Variants in AGTPBP1 observed in about 807,000 individuals in gnomAD.
AGTPBP1 encodes ATP/GTP binding carboxypeptidase 1, also known as cytosolic carboxypeptidase 1.
A neutral mutation model predicts 143.9 loss-of-function variants in AGTPBP1; 70 were observed. That is an observed-to-expected ratio of 0.49 (90% CI 0.40 to 0.59). The LOEUF (loss-of-function observed/expected upper bound fraction) is 0.59. Ranked by LOEUF, AGTPBP1 falls within the 20% of genes least tolerant of loss-of-function variation. The probability of loss-of-function intolerance (pLI) is 0.00; values close to 1 mark genes in which losing one functional copy is unlikely to be tolerated. For synonymous variants in AGTPBP1, 463 were observed against 500.2 expected (o/e 0.93, Z 0.99); for missense variants, 1,229 against 1,464.5 (o/e 0.84, Z 2.62).
the AGTPBP1 span, among the ~76,000 whole-genome samples, chr9:85,786,985 A>C: frequency 1.3e-4 from 20 of 152,246 alleles, no homozygotes; most frequent in African/African-American, 4.8e-4. Context: ...ATACAAGTAT[A>C]TTGTTATTTT....
intron 8 of AGTPBP1, among the ~76,000 whole-genome samples, chr9:85,663,829 T>C (rs1415009034): frequency 6.6e-6 from 1 of 152,082 alleles, no homozygotes. Flanking sequence ...CCATAAAAAG[T>C]GTGTGAATGC....
At chr9:85,741,966 G>A, upstream of AGTPBP1, 2 of 1,247,850 alleles carry the variant, frequency 1.6e-6, no homozygotes, top group Non-Finnish European at 2.0e-6. Flanking sequence ...TCCGCATCCC[G>A]GGCAACGTCA....
chr9:85,667,219 G>A (rs928564274), intron 8 of AGTPBP1, among the ~76,000 whole-genome samples: 3 of 152,048 alleles, frequency 2.0e-5, no homozygotes, highest in Non-Finnish European at 4.4e-5. Flanking sequence ...TTCTTACACA[G>A]CTGTAACTAT....
chr9:85,685,213 A>G (rs747288517), intron 3 of AGTPBP1, among the ~76,000 whole-genome samples: 9 of 152,032 alleles, frequency 5.9e-5, no homozygotes, highest in Non-Finnish European at 8.8e-5. Context: ...AAACTGAGCA[A>G]CCAAAAATGT....
the AGTPBP1 span, among the ~76,000 whole-genome samples, chr9:85,804,414 A>C: frequency 6.6e-6 from 1 of 152,122 alleles, no homozygotes; most frequent in Non-Finnish European, 1.5e-5. Flanking sequence ...TATCCCCAAG[A>C]CAGATATACA....
intron 17 of AGTPBP1, among the ~76,000 whole-genome samples, chr9:85,608,809 A>C (rs1006469417): frequency 1.3e-5 from 2 of 152,154 alleles, no homozygotes; most frequent in Admixed American, 1.3e-4. Flanking sequence ...TACTAAAACT[A>C]GAAATTACAA....
chr9:85,682,627 C>A (rs1433993445), intron 3 of AGTPBP1, among the ~76,000 whole-genome samples: 2 of 152,194 alleles, frequency 1.3e-5, no homozygotes, highest in Non-Finnish European at 2.9e-5. Flanking sequence ...AACCCACTCT[C>A]AATACAGTAC....
intron 17 of AGTPBP1, among the ~76,000 whole-genome samples, chr9:85,603,934 T>G (rs1368469516): frequency 6.6e-6 from 1 of 152,112 alleles, no homozygotes; most frequent in Non-Finnish European, 1.5e-5. Context: ...GGAAGAACTT[T>G]GTCTTGCAGT....
chr9:85,589,178 G>A (rs62566898), intron 20 of AGTPBP1, among the ~76,000 whole-genome samples: 2,517 of 152,032 alleles, frequency 0.017, 29 homozygotes, highest in Middle Eastern at 0.054. Flanking sequence ...GTTTCTGGTT[G>A]TTTTATTTAC....
chr9:85,746,650 GGAGA>G (rs374466228), upstream of AGTPBP1, among the ~76,000 whole-genome samples: 1 of 151,370 alleles, frequency 6.6e-6, no homozygotes, highest in Non-Finnish European at 1.5e-5. Flanking sequence ...AAGAGTGGGG[GGAGA>G]GAGAGAGAGA....
chr9:85,752,543 TCA>T, the AGTPBP1 span, among the ~76,000 whole-genome samples: 4 of 152,150 alleles, frequency 2.6e-5, no homozygotes, highest in African/African-American at 4.8e-5. Flanking sequence ...AAAAAAACGC[TCA>T]GTTTTGTTAG....
In AGTPBP1 at chr9:85,619,042, C is replaced by T. The variant is rs369611250; in HGVS notation, c.2276G>A (p.Gly759Asp). The T allele has an allele frequency of 4.2e-5, 67 of 1,613,734 alleles. No homozygotes were observed. The highest frequency in any genetic ancestry group is 5.3e-5 in the Non-Finnish European group (63 of 1,179,874). ...AATGATGTTAAACCTGTAAGCAACA[C>T]CTGGTCGCATTCCACTGACTTCAAA... The part of the protein sequence containing the change: ...FYFEVSGMRP[G>D]VAYRFNIINC... Residue 759 changes from glycine (G) to aspartate (D), a missense_variant, in exon 17 of 26, where the codon GGT becomes GAT. Physicochemically the swap from Gly to Asp is moderately conservative, Grantham distance 94. Around this residue, in one of 2 missense-constraint regions of AGTPBP1, gnomAD observed 486 missense variants for 652.3 expected, o/e 0.75. Coordinates refer to ENST00000357081, the MANE Select transcript of AGTPBP1 (RefSeq NM_001330701.2).
At chr9:85,673,851 T>C (rs947673771) in intron 6 of AGTPBP1, among the ~76,000 whole-genome samples, 4 of 152,112 alleles carry the variant, frequency 2.6e-5, no homozygotes, top group Admixed American at 6.5e-5. Flanking sequence ...CAGGGCGCGG[T>C]GGCTCACGCC....
intron 14 of AGTPBP1, among the ~76,000 whole-genome samples, chr9:85,623,557 A>G (rs1400034437): frequency 6.6e-6 from 1 of 152,016 alleles, no homozygotes; most frequent in Non-Finnish European, 1.5e-5. Context: ...GGAGTTCGAG[A>G]CCAGCCTGGC....
At chr9:85,692,021 G>T (rs1030479988) in intron 3 of AGTPBP1, among the ~76,000 whole-genome samples, 16 of 151,964 alleles carry the variant, frequency 1.1e-4, no homozygotes, top group Admixed American at 2.6e-4. Context: ...CCTCCCTAAG[G>T]TACCCAACCA....
intron 15 of AGTPBP1, among the ~76,000 whole-genome samples, chr9:85,620,039 A>G (rs618242): frequency 0.34 from 52,278 of 152,026 alleles, 10,290 homozygotes; most frequent in Non-Finnish European, 0.44. Flanking sequence ...CCTCTTTTTT[A>G]TAACAGTATT....
chr9:85,764,107 C>T, the AGTPBP1 span, among the ~76,000 whole-genome samples: 2 of 151,124 alleles, frequency 1.3e-5, no homozygotes, highest in African/African-American at 2.4e-5. Context: ...AAGAAAAGTT[C>T]AATTTAGAAA....
chr9:85,632,956 A>G lies in AGTPBP1; in HGVS notation c.1721T>C (p.Met574Thr). 2 of 1,614,138 alleles carry G rather than the reference A, an allele frequency of 1.2e-6. No homozygotes were observed. The highest frequency in any genetic ancestry group is 1.7e-6 in the Non-Finnish European group (2 of 1,180,006). Reference sequence around the variant, plus strand: ...AAACAGAACATTTCCACAAGTAGCCATGTGTGGACATGCTTTAGCACAGGT... The same window carrying G: ...AAACAGAACATTTCCACAAGTAGCCGTGTGTGGACATGCTTTAGCACAGGT... ...VLTCAKACPHMATCGNVLFEG... is the reference protein window; with the variant it reads ...VLTCAKACPHTATCGNVLFEG... Residue 574 changes from methionine (M) to threonine (T), a missense_variant, in exon 14 of 26, where the codon ATG becomes ACG. Met to Thr is a moderately conservative substitution (Grantham distance 81). Coordinates refer to ENST00000357081, the MANE Select transcript of AGTPBP1 (RefSeq NM_001330701.2).
chr9:85,580,766 A>C (rs1447345743), intron 23 of AGTPBP1, among the ~76,000 whole-genome samples: 1 of 152,226 alleles, frequency 6.6e-6, no homozygotes, highest in Non-Finnish European at 1.5e-5. Flanking sequence ...CTAAGTAAAT[A>C]AATTTGGGTA....
Sources: gnomAD v4.1 joint callset for allele counts (sites outside exome capture counted in the v4.1 genomes callset) on GRCh38, gnomAD v4.1.1 for gene constraint, gnomAD v4.1.1 regional missense constraint, MANE v1.5 for transcripts, NCBI Gene and HGNC (gene_info 2026-07-23, HGNC 2026-07-21) for gene names.